Variants in GABRB3 observed in about 807,000 individuals in gnomAD.
GABRB3 encodes the protein gamma-aminobutyric acid receptor subunit beta-3.
In GABRB3, 14 loss-of-function variants were observed where a neutral mutation model predicts 52.1. The observed-to-expected ratio is 0.27, with a 90% CI of 0.18 to 0.42. The LOEUF is 0.42. Ranked by LOEUF, GABRB3 falls within the 10% of genes least tolerant of loss-of-function variation. The pLI, the probability that GABRB3 is intolerant of heterozygous loss-of-function variation, is 1.00. For missense variants in GABRB3, 307 were observed against 609.1 expected (o/e 0.50, Z 5.22); for synonymous variants, 260 against 232.3 (o/e 1.12, Z -1.08).
intron 3 of GABRB3, among the ~76,000 whole-genome samples, chr15:26,732,875 G>C (rs576832217): frequency 2.0e-5 from 3 of 152,096 alleles, no homozygotes; most frequent in Admixed American, 6.5e-5. Flanking sequence ...GTATGTGCCT[G>C]TCATCCCAGC....
At chr15:26,668,901 A>C (rs920245867) in intron 3 of GABRB3, among the ~76,000 whole-genome samples, 10 of 152,212 alleles carry the variant, frequency 6.6e-5, no homozygotes, top group Admixed American at 2.6e-4. Flanking sequence ...TCATAAATGA[A>C]CATATTCCCT....
chr15:26,723,963 G>A (rs1443849895), intron 3 of GABRB3, among the ~76,000 whole-genome samples: 2 of 152,150 alleles, frequency 1.3e-5, no homozygotes, highest in Non-Finnish European at 2.9e-5. Flanking sequence ...CCAAGGAATG[G>A]GCACATTCCT....
At chr15:26,635,136 A>G (rs941328327) in intron 3 of GABRB3, among the ~76,000 whole-genome samples, 3 of 151,554 alleles carry the variant, frequency 2.0e-5, no homozygotes, top group Non-Finnish European at 4.4e-5. Flanking sequence ...AAGGGAATGC[A>G]GTGACTCCAG....
intron 4 of GABRB3, among the ~76,000 whole-genome samples, chr15:26,592,592 C>A (rs1453882189): frequency 6.6e-6 from 1 of 152,168 alleles, no homozygotes; most frequent in African/African-American, 2.4e-5. Context: ...AGCTGCAACA[C>A]TGAGAGATGA....
At chr15:26,720,905 A>T (rs56380162) in intron 3 of GABRB3, among the ~76,000 whole-genome samples, 3,435 of 146,430 alleles carry the variant, frequency 0.023, 123 homozygotes, top group African/African-American at 0.084. Flanking sequence ...GAAAAGTGTT[A>T]AAAAAATGTT....
At chr15:26,653,607 C>G (rs186799900) in intron 3 of GABRB3, among the ~76,000 whole-genome samples, 27 of 152,292 alleles carry the variant, frequency 1.8e-4, no homozygotes, top group African/African-American at 6.3e-4. Flanking sequence ...TTAGCTGGCT[C>G]TGCATGAGTT....
chr15:26,646,375 G>A (rs1212935131), intron 3 of GABRB3, among the ~76,000 whole-genome samples: 1 of 152,128 alleles, frequency 6.6e-6, no homozygotes, highest in Non-Finnish European at 1.5e-5. Context: ...ACATCTATAT[G>A]GTAGCATGTA....
intron 3 of GABRB3, among the ~76,000 whole-genome samples, chr15:26,638,407 A>G (rs954486525): frequency 1.3e-5 from 2 of 152,186 alleles, no homozygotes; most frequent in Non-Finnish European, 1.5e-5. Flanking sequence ...CTAGGTCTAA[A>G]GGTTAGATTA....
At chr15:26,616,069 C>CA in intron 4 of GABRB3, 1 of 1,289,070 alleles carries the variant, frequency 7.8e-7, no homozygotes, top group Non-Finnish European at 1.0e-6. Context: ...ACCTATTTAC[C>CA]AAAAAGATGC....
At position 26,553,538 on chromosome 15, in the gene GABRB3, CAG is replaced by C. The variant is rs563147382; in HGVS notation, c.1081-5406_1081-5405del. 4.6e-5 allele frequency: 7 copies of C among 152,238 alleles called. No individual in the cohort carries two copies. The South Asian group carries it at 1.5e-3, about 32-fold the overall frequency. 9.4% of individuals were successfully genotyped at this position (152,238 alleles called of 1,614,324 possible). ...TCGTTTTCCTGAAGACAGAAAAAAA[CAG>C]AAAGCATTATTTAGCTTTAGAAAAA... On this transcript the variant is annotated intron_variant, in intron 8 of 8. Coordinates refer to ENST00000311550, the MANE Select transcript of GABRB3 (RefSeq NM_000814.6).
rs1892490484 is a variant in GABRB3 at position 26,621,682 on chromosome 15, A to G, written c.241-148T>C. 3.0e-6 allele frequency: 2 copies of G among 657,162 alleles called. No homozygotes were observed. The highest frequency in any genetic ancestry group is 5.3e-6 in the Non-Finnish European group (2 of 375,584). 40.7% of individuals were successfully genotyped at this position (657,162 alleles called of 1,614,324 possible). On this transcript the variant is annotated intron_variant, in intron 3 of 8. Transcript: ENST00000311550. The surrounding 1 kb of genome is among the most constrained non-coding windows in gnomAD (Gnocchi z 4.1). ...CCATTTTTATGCAGAATGGGAAGCA[A>G]TGGCTGCTTTCTTGTGAATGCAAAT...
rs181105768 is a variant in GABRB3, at chr15:26,582,729, A to C, written c.544+603T>G. Among the ~76,000 whole-genome samples the C allele has an allele frequency of 4.5e-4, 69 of 152,316 alleles. 2 individuals are homozygous for C. Among genetic ancestry groups the C allele is most frequent in the East Asian group, 4.4e-3 (23 of 5,186 alleles). ...ATAAATATTGACAAGCCTAAATCCA[A>C]TTGAGACTAGTTATAAACCAGTTCA... On this transcript the variant is annotated intron_variant, in intron 5 of 8. Coordinates refer to ENST00000311550, the MANE Select transcript of GABRB3 (RefSeq NM_000814.6).
chr15:26,586,415 C>CACACACACGCAT (rs1890988491), intron 4 of GABRB3, among the ~76,000 whole-genome samples: 1 of 151,466 alleles, frequency 6.6e-6, no homozygotes, highest in African/African-American at 2.4e-5. Context: ...CACACACACA[C>CACACACACGCAT]ACACACACAC....
intron 4 of GABRB3, among the ~76,000 whole-genome samples, chr15:26,601,733 G>A (rs1891596575): frequency 6.6e-6 from 1 of 151,872 alleles, no homozygotes. Context: ...AAGCTTCATA[G>A]CAACCTCAAA....
chr15:26,770,254 G>A (rs1891109814), intron 3 of GABRB3, among the ~76,000 whole-genome samples: 1 of 152,124 alleles, frequency 6.6e-6, no homozygotes, highest in African/African-American at 2.4e-5. Flanking sequence ...ATCCTACTGG[G>A]ATCCTCAATA....
intron 8 of GABRB3, among the ~76,000 whole-genome samples, chr15:26,550,637 G>A (rs1004635439): frequency 6.6e-6 from 1 of 152,178 alleles, no homozygotes; most frequent in Admixed American, 6.5e-5. Flanking sequence ...AAGGCAATGG[G>A]GATCTCAGTT....
In GABRB3 at chr15:26,602,335, A is replaced by G. The variant is rs137910563; in HGVS notation, c.462-18921T>C. 5.3e-3 allele frequency among the ~76,000 whole-genome samples: 809 copies of G among 152,332 alleles called. 5 individuals are homozygous for G. Among genetic ancestry groups the G allele is most frequent in the African/African-American group, 0.018 (755 of 41,596 alleles). On this transcript the variant is annotated intron_variant, in intron 4 of 8. Transcript: ENST00000311550. ...CTAAAGACTTCAACAAGCCATGTTC[A>G]GCATTGGACAAATCTCCCCGATAGA... is the stretch of plus-strand genomic sequence containing the variant.
rs1567113075 is a variant in GABRB3, at chr15:26,567,578, T to C, written c.835+3A>G. 1.9e-6 allele frequency: 3 copies of C among 1,613,294 alleles called. No individual in the cohort carries two copies. Among genetic ancestry groups the C allele is most frequent in the African/African-American group, 1.3e-5 (1 of 75,008 alleles). On this transcript the variant is annotated splice_donor_region_variant and intron_variant, in intron 7 of 8. Coordinates refer to ENST00000311550, the MANE Select transcript of GABRB3 (RefSeq NM_000814.6). ...TTAAATATCACTTAAAAATAGCACA[T>C]ACCGAGGGCAACTCTAGCAGCAGAT...
At chr15:26,632,241 C>T (rs955808199) in intron 3 of GABRB3, among the ~76,000 whole-genome samples, 5 of 152,238 alleles carry the variant, frequency 3.3e-5, no homozygotes, top group African/African-American at 4.8e-5. Flanking sequence ...CTCACTCAGC[C>T]TAGGGCTGGC....
Sources: allele counts gnomAD v4.1 joint callset (sites outside exome capture counted in the v4.1 genomes callset), GRCh38; gene constraint gnomAD v4.1.1; non-coding constraint Gnocchi (gnomAD v3.1); transcripts MANE v1.5; gene names NCBI Gene and HGNC (gene_info 2026-07-23, HGNC 2026-07-21).